The following USP32 variants were observed in gnomAD, a reference collection of about 807,000 sequenced individuals.
The protein encoded by USP32 is ubiquitin carboxyl-terminal hydrolase 32.
In USP32, 59 loss-of-function variants were observed where a neutral mutation model predicts 204.8. The ratio of observed to expected loss-of-function variants is 0.29; its 90% CI spans 0.23 to 0.36. USP32 has a LOEUF of 0.36. USP32 is among the 10% of genes least tolerant of loss of function. The pLI, the probability that USP32 is intolerant of heterozygous loss-of-function variation, is 1.00. For missense variants in USP32, 1,160 were observed against 1,946.4 expected (o/e 0.60, Z 7.60); for synonymous variants, 517 against 678.4 (o/e 0.76, Z 3.70).
chr17:60,374,087 G>A (rs1299153819), intron 1 of USP32, among the ~76,000 whole-genome samples: 5 of 151,994 alleles, frequency 3.3e-5, no homozygotes, highest in Admixed American at 6.6e-5. Context: ...GGGAGGCTGA[G>A]GCAAGAGAAT....
In USP32 at chr17:60,300,720, A is replaced by C. The variant is rs542093334; in HGVS notation, c.292+879T>G. 2.0e-5 allele frequency among the ~76,000 whole-genome samples: 3 copies of C among 152,326 alleles called. No homozygotes were observed. In the South Asian group the frequency reaches 6.2e-4, roughly 32 times the overall value. ...CACATCCCATAAAATTCACCCTTTTAAAATAAACATTTCAGTGATTTTTAA... is the reference window on the plus strand; with the variant it reads ...CACATCCCATAAAATTCACCCTTTTCAAATAAACATTTCAGTGATTTTTAA... On this transcript the variant is annotated intron_variant, in intron 3 of 33. Transcript: ENST00000300896.
chr17:60,236,059 T>C (rs2085716255), intron 12 of USP32, 79 bp downstream of exon 12: 3 of 1,137,220 alleles, frequency 2.6e-6, no homozygotes, highest in Middle Eastern at 2.0e-4. Context: ...CTGGTAGTCA[T>C]AGCATTTTAT....
intron 1 of USP32, chr17:60,421,491 G>T: frequency 1.0e-6 from 1 of 985,478 alleles, no homozygotes; most frequent in South Asian, 4.7e-5. Flanking sequence ...GGGCCACACT[G>T]AGTGGGGACA....
In USP32 at chr17:60,185,610, C is replaced by T. The variant is rs777554594; in HGVS notation, c.3684G>A (p.Ala1228=). 2.5e-5 allele frequency: 40 copies of T among 1,611,772 alleles called. No homozygotes were observed. Among genetic ancestry groups the T allele is most frequent in the Admixed American group, 8.3e-5 (5 of 59,998 alleles). ...TGTCCAGGTTGATGGGCTCGGCTTGCGCTCGCCGACTCTGCTCCACACTCT... is the reference window on the plus strand; with the variant it reads ...TGTCCAGGTTGATGGGCTCGGCTTGTGCTCGCCGACTCTGCTCCACACTCT... ...EHESVEQSRR[A]QAEPINLDSC... is the part of the protein sequence containing the mutation. The change falls in exon 30 of 34, where the codon GCG becomes GCA. Residue 1228 remains alanine (A), a synonymous_variant. Coordinates refer to ENST00000300896, the MANE Select transcript of USP32 (RefSeq NM_032582.4).
chr17:60,286,202 CAG>C (rs1331732605), intron 5 of USP32, among the ~76,000 whole-genome samples: 3 of 150,388 alleles, frequency 2.0e-5, no homozygotes, highest in Non-Finnish European at 4.4e-5. Flanking sequence ...GAAAGAAGAA[CAG>C]TAGAAATTAA....
intron 1 of USP32, among the ~76,000 whole-genome samples, chr17:60,419,817 AATTATTATTATTATT>A (rs113546748): frequency 0.017 from 2,412 of 138,644 alleles, 31 homozygotes; most frequent in African/African-American, 0.041. Flanking sequence ...GGTTAAAAAA[AATTATTATTATTATT>A]ATTATTATTA....
upstream of USP32, among the ~76,000 whole-genome samples, chr17:60,397,132 T>C (rs1462238793): frequency 6.6e-6 from 1 of 152,222 alleles, no homozygotes; most frequent in Non-Finnish European, 1.5e-5. Flanking sequence ...AGTTGAATTC[T>C]AATCAGCAAT....
chr17:60,396,069 CTTTT>C (rs936063243), upstream of USP32, among the ~76,000 whole-genome samples: 6 of 74,922 alleles, frequency 8.0e-5, no homozygotes, highest in Non-Finnish European at 1.4e-4. Flanking sequence ...GCACTTGAAG[CTTTT>C]TTTTTTTTTT....
chr17:60,222,094 C>T (rs534026011), intron 15 of USP32, among the ~76,000 whole-genome samples: 4 of 152,200 alleles, frequency 2.6e-5, no homozygotes, highest in African/African-American at 7.2e-5. Flanking sequence ...CTCTGCATCA[C>T]GCCCTACATT....
intron 1 of USP32, among the ~76,000 whole-genome samples, chr17:60,347,991 G>A (rs1292422620): frequency 6.6e-6 from 1 of 151,716 alleles, no homozygotes. Context: ...GCCTGGTGGC[G>A]GGCACCTGTA....
At chr17:60,371,831 G>A (rs183212496) in intron 1 of USP32, among the ~76,000 whole-genome samples, 89 of 152,326 alleles carry the variant, frequency 5.8e-4, no homozygotes, top group Admixed American at 2.0e-3. Flanking sequence ...ACTTAGGCAA[G>A]TGACAGTGTT....
At chr17:60,296,821 T>TA (rs1489739721) in intron 3 of USP32, among the ~76,000 whole-genome samples, 1 of 151,914 alleles carries the variant, frequency 6.6e-6, no homozygotes, top group Non-Finnish European at 1.5e-5. Flanking sequence ...ACATAAAAAC[T>TA]AAAAAAGAAA....
At chr17:60,271,237 T>G in intron 6 of USP32, 113 bp downstream of exon 6, 1 of 1,374,530 alleles carries the variant, frequency 7.3e-7, no homozygotes, top group East Asian at 2.4e-5. Flanking sequence ...CCATTAAACC[T>G]GCAAACATAT....
upstream of USP32, among the ~76,000 whole-genome samples, chr17:60,396,902 G>A (rs546451977): frequency 1.3e-4 from 20 of 152,212 alleles, 1 homozygote; most frequent in South Asian, 1.2e-3. Context: ...AGTTATATTC[G>A]TATCTCCTTC....
In USP32 at chr17:60,249,654, G is replaced by A. The variant is rs187550384; in HGVS notation, c.1136+2727C>T. On this transcript the variant is annotated intron_variant, in intron 11 of 33. Coordinates refer to ENST00000300896, the MANE Select transcript of USP32 (RefSeq NM_032582.4). Reference sequence around the variant, plus strand: ...TGGGAGGAAATGAAAGCTGCTCCTGGTTAAATTACCACACACTTCCATTGT... The same window carrying A: ...TGGGAGGAAATGAAAGCTGCTCCTGATTAAATTACCACACACTTCCATTGT... 4 of 680,350 alleles carry A rather than the reference G, an allele frequency of 5.9e-6. No homozygotes were observed. The East Asian group carries it at 8.4e-5, about 14-fold the overall frequency. 42.1% of individuals were successfully genotyped at this position (680,350 alleles called of 1,614,324 possible).
rs1275060901 is a variant in USP32 at position 60,198,309 on chromosome 17, AC to A, written c.3384del (p.Leu1129Ter). ...TCCTGAGGTGGGAGTGGGCTCGCTA[AC>A]CGGGATACTTGAATCCAAACCGCAT... is the stretch of plus-strand genomic sequence containing the variant. The part of the protein sequence containing the change: ...LYDAVWIQVS[R>X]LASPLPPQEA... On this transcript the variant is annotated frameshift_variant, in exon 27 of 34. Transcript: ENST00000300896. LOFTEE classifies it high-confidence loss of function. 6.2e-7 allele frequency: 1 copy of A among 1,613,986 alleles called. No homozygotes were observed. The highest frequency in any genetic ancestry group is 1.3e-5 in the African/African-American group (1 of 74,912).
chr17:60,201,611 CATA>C (rs1240431449), intron 26 of USP32, among the ~76,000 whole-genome samples: 1 of 151,680 alleles, frequency 6.6e-6, no homozygotes, highest in Admixed American at 6.6e-5. Context: ...GCACTGATAT[CATA>C]ATATTGTTTT....
intron 11 of USP32, among the ~76,000 whole-genome samples, chr17:60,249,935 C>T: frequency 6.9e-6 from 1 of 144,538 alleles, no homozygotes; most frequent in Non-Finnish European, 1.6e-5. Flanking sequence ...CCTGAATCAT[C>T]CTTTAAAAAT....
intron 28 of USP32, among the ~76,000 whole-genome samples, chr17:60,192,458 G>A (rs1004521694): frequency 2.6e-5 from 4 of 152,186 alleles, no homozygotes; most frequent in South Asian, 2.1e-4. Context: ...TTTTTGAGAC[G>A]GAGTTTCGCT....
Sources: allele counts gnomAD v4.1 joint callset (sites outside exome capture counted in the v4.1 genomes callset), GRCh38; gene constraint gnomAD v4.1.1; transcripts MANE v1.5; gene names NCBI Gene and HGNC (gene_info 2026-07-23, HGNC 2026-07-21).